DIO2: variants seen among roughly 807,000 people sequenced by gnomAD.
DIO2 encodes type II iodothyronine deiodinase.
DIO2 carries 19 observed loss-of-function variants against 21.4 expected under a neutral mutation model. The ratio of observed to expected loss-of-function variants is 0.89; its 90% confidence interval spans 0.62 to 1.30. The LOEUF (loss-of-function observed/expected upper bound fraction) is 1.30, where lower values mean the gene tolerates loss of function less well. Among genes scored for constraint, DIO2 ranks in the 50% most tolerant of loss-of-function variants. The pLI is 0.00. For synonymous variants in DIO2, 122 were observed against 132.9 expected (o/e 0.92, Z 0.57); for missense variants, 302 against 338.1 (o/e 0.89, Z 0.84).
chr14:80,202,887 GCA>G lies in DIO2; in HGVS notation c.622_623del (p.Cys208ProfsTer?). 1 of 1,613,920 alleles carries G rather than the reference GCA, an allele frequency of 6.2e-7. No homozygotes were observed. Among genetic ancestry groups the G allele is most frequent in the South Asian group, 1.1e-5 (1 of 91,078 alleles). Reference sequence around the variant, plus strand: ...TGTCCATGCGGTCAGCCACAACTCGGCACTGGGGCGGCAAGGAGAAACGCTCC... The same window carrying G: ...TGTCCATGCGGTCAGCCACAACTCGGCTGGGGCGGCAAGGAGAAACGCTCC... ...LLERFSLPPQ[C>X]RVVADRMDNN... On this transcript the variant is annotated frameshift_variant, in exon 2 of 2. Coordinates refer to ENST00000438257, the MANE Select transcript of DIO2 (RefSeq NM_013989.5). LOFTEE classifies it high-confidence loss of function.
chr14:80,221,760 C>A (rs1320720581), intron 2 of DIO2, among the ~76,000 whole-genome samples: 2 of 152,016 alleles, frequency 1.3e-5, no homozygotes, highest in African/African-American at 4.8e-5. Flanking sequence ...AAAAAACAAG[C>A]AATTTACCAT....
At chr14:80,217,727 T>A (rs1172067549) in intron 2 of DIO2, among the ~76,000 whole-genome samples, 1 of 152,240 alleles carries the variant, frequency 6.6e-6, no homozygotes, top group African/African-American at 2.4e-5. Flanking sequence ...AAAGATTCTA[T>A]GTCTGCCTTC....
In DIO2 at chr14:80,202,596, C is replaced by T. The variant is rs1887774907; in HGVS notation, c.*93G>A. The T allele has an allele frequency of 7.7e-7, 1 of 1,300,262 alleles. No homozygotes were observed. Among genetic ancestry groups the T allele is most frequent in the South Asian group, 1.5e-5 (1 of 66,246 alleles). The allele number at this position is 1,300,262 out of a possible 1,614,324, so 80.5% of individuals were successfully genotyped here. A position where few individuals can be genotyped will look rare whatever the true frequency, so the allele number is the denominator to read the frequency against. On this transcript the variant is annotated 3_prime_UTR_variant, in exon 2 of 2. Transcript: ENST00000438257. ...AGATAAACTCCTGTCTTTCAGTAAG[C>T]CAATAGGGCTCTGTTGAAATATGGA... is the stretch of plus-strand genomic sequence containing the variant.
At chr14:80,212,293 C>CT (rs1415212667), upstream of DIO2, 2 of 151,802 alleles carry the variant, frequency 1.3e-5, no homozygotes, top group East Asian at 3.9e-4. Flanking sequence ...GAGGGCTTTA[C>CT]TTTGGCCAGG....
Position 80,202,500 on chromosome 14 carries a change from A to T in DIO2, c.*189T>A. On this transcript the variant is annotated 3_prime_UTR_variant, in exon 2 of 2. Transcript: ENST00000438257. ...TACTAAGAAGAGAGGTGATATGGTT[A>T]CTTACTCAGCCCAATGCCATTTGAG... 1.4e-6 allele frequency: 1 copy of T among 734,406 alleles called. No homozygotes were observed. Among genetic ancestry groups the T allele is most frequent in the Non-Finnish European group, 2.4e-6 (1 of 418,692 alleles). The allele number at this position is 734,406 out of a possible 1,614,324, so 45.5% of individuals were successfully genotyped here.
rs1887711169 is a variant in DIO2 at position 80,201,291 on chromosome 14, G to T, written c.*1398C>A. On this transcript the variant is annotated 3_prime_UTR_variant, in exon 2 of 2. Coordinates refer to ENST00000438257, the MANE Select transcript of DIO2 (RefSeq NM_013989.5). Reference sequence around the variant, plus strand: ...ATGGAAATTCCATGATATACCGGGGGTTGCCTTATAACAAAGCCTCCAAAA... The same window carrying T: ...ATGGAAATTCCATGATATACCGGGGTTTGCCTTATAACAAAGCCTCCAAAA... 6.6e-6 allele frequency: 1 copy of T among 151,984 alleles called. No individual in the cohort carries two copies. Among genetic ancestry groups the T allele is most frequent in the East Asian group, 1.9e-4 (1 of 5,194 alleles). The allele number at this position is 151,984 out of a possible 1,614,324, so 9.4% of individuals were successfully genotyped here. A position where few individuals can be genotyped will look rare whatever the true frequency, so the allele number is the denominator to read the frequency against.
rs1215208580 is a variant in DIO2, at chr14:80,201,503, A to G, written c.*1186T>C. ...TATATACATATATTTGTATGTATGT[A>G]TGTATGTGTGTATGTACGTATAATT... On this transcript the variant is annotated 3_prime_UTR_variant, in exon 2 of 2. Transcript: ENST00000438257. The G allele has an allele frequency of 6.6e-6, 1 of 152,194 alleles. No homozygotes were observed. The highest frequency in any genetic ancestry group is 1.5e-5 in the Non-Finnish European group (1 of 68,036). 9.4% of individuals were successfully genotyped at this position (152,194 alleles called of 1,614,324 possible).
At chr14:80,212,440 A>T (rs920039249), upstream of DIO2, among the ~76,000 whole-genome samples, 1 of 152,150 alleles carries the variant, frequency 6.6e-6, no homozygotes, top group Non-Finnish European at 1.5e-5. Context: ...AAATGCTTCC[A>T]AACTTTGGGA....
rs549055638 is a variant in DIO2, at chr14:80,221,502, T to A, written c.-277-4765A>T. 8.5e-5 allele frequency among the ~76,000 whole-genome samples: 13 copies of A among 152,290 alleles called. No individual in the cohort carries two copies. In the South Asian group the frequency reaches 2.5e-3, roughly 29 times the overall value. On this transcript the variant is annotated intron_variant, in intron 2 of 4. Coordinates refer to the DIO2 transcript ENST00000553594. ...TTTTTTTCACATTCATTTTTAATGG[T>A]ATGCAGTACACATGCTGACTCAGAG...
intron 2 of DIO2, chr14:80,216,781 CAA>C (rs946305967): frequency 1.0e-3 from 154 of 152,068 alleles, no homozygotes; most frequent in African/African-American, 3.6e-3. Context: ...GGAAAATGGT[CAA>C]AAAAAGTCAT....
upstream of DIO2, chr14:80,211,522 C>T (rs1216342488): frequency 4.7e-6 from 6 of 1,273,898 alleles, no homozygotes; most frequent in East Asian, 2.7e-5. Flanking sequence ...TTCCCCTTCA[C>T]CCTCTTATTT....
chr14:80,213,385 T>A (rs1192427945), upstream of DIO2, among the ~76,000 whole-genome samples: 2 of 152,214 alleles, frequency 1.3e-5, no homozygotes, highest in Non-Finnish European at 2.9e-5. Flanking sequence ...GGTTAGCGTA[T>A]TGCGTATTTT....
chr14:80,224,059 G>A (rs369714246), intron 2 of DIO2, among the ~76,000 whole-genome samples: 2 of 152,270 alleles, frequency 1.3e-5, no homozygotes, highest in African/African-American at 4.8e-5. Flanking sequence ...GACTCTCATT[G>A]AGAACTTATT....
At position 80,202,774 on chromosome 14, in the gene DIO2, G is replaced by A; in HGVS notation, c.737C>T (p.Pro246Leu). 1 of 1,613,942 alleles carries A rather than the reference G, an allele frequency of 6.2e-7. No individual in the cohort carries two copies. The highest frequency in any genetic ancestry group is 8.5e-7 in the Non-Finnish European group (1 of 1,179,872). Residue 246 changes from proline to leucine, a missense_variant, in exon 2 of 2, where the codon CCC becomes CTC. Coordinates refer to ENST00000438257, the MANE Select transcript of DIO2 (RefSeq NM_013989.5). ...GACTTCTTGAAGGTTGTAGGAGAAG[G>A]GGCCCTTTCCTCCCAGATAAGCAAT... ...QKIAYLGGKG[P>L]FSYNLQEVRH...
chr14:80,226,445 G>A (rs1031295568), intron 2 of DIO2, among the ~76,000 whole-genome samples: 2 of 152,218 alleles, frequency 1.3e-5, no homozygotes, highest in East Asian at 1.9e-4. Flanking sequence ...CGGAAGCATT[G>A]CATGCAGGAT....
At chr14:80,229,812 C>T (rs1264047010) in intron 2 of DIO2, among the ~76,000 whole-genome samples, 1 of 152,172 alleles carries the variant, frequency 6.6e-6, no homozygotes, top group Non-Finnish European at 1.5e-5. Context: ...TTCCTTCCAC[C>T]ATTAACTCAT....
chr14:80,211,544 G>T, upstream of DIO2: 2 of 418,328 alleles, frequency 4.8e-6, no homozygotes, highest in Non-Finnish European at 3.9e-6. Context: ...AAAGGGGGGT[G>T]GTGATAAAGG....
At chr14:80,212,481 A>G (rs1413953700), upstream of DIO2, among the ~76,000 whole-genome samples, 3 of 152,132 alleles carry the variant, frequency 2.0e-5, no homozygotes, top group Admixed American at 6.6e-5. Context: ...GCAGATTGAT[A>G]TGGCCAACAC....
chr14:80,225,573 C>T (rs1465169416), intron 2 of DIO2, among the ~76,000 whole-genome samples: 2 of 152,204 alleles, frequency 1.3e-5, no homozygotes, highest in Non-Finnish European at 1.5e-5. Context: ...GTTTCTGCAG[C>T]TGTTCACATG....
Sources: allele counts gnomAD v4.1 joint callset (sites outside exome capture counted in the v4.1 genomes callset), GRCh38; gene constraint gnomAD v4.1.1; transcripts MANE v1.5; gene names NCBI Gene and HGNC (gene_info 2026-07-23, HGNC 2026-07-21).